SMARCA2: variants seen among roughly 807,000 people sequenced by gnomAD.
The protein encoded by SMARCA2 is SWI/SNF-related matrix-associated actin-dependent regulator of chromatin subfamily A member 2.
In SMARCA2, 61 loss-of-function variants were observed where a neutral mutation model predicts 199.8. That is an observed-to-expected ratio of 0.31 (90% CI 0.25 to 0.38). SMARCA2 has a LOEUF of 0.38. Among genes scored for constraint, SMARCA2 ranks in the 10% least tolerant of loss-of-function variants. The pLI, the probability that SMARCA2 is intolerant of heterozygous loss-of-function variation, is 1.00. For missense variants in SMARCA2, 1,344 were observed against 2,012.2 expected (o/e 0.67, Z 6.35); for synonymous variants, 935 against 732.0 (o/e 1.28, Z -4.48).
At chr9:2,160,580 C>T (rs1189386396) in intron 27 of SMARCA2, 1 of 702,098 alleles carries the variant, frequency 1.4e-6, no homozygotes, top group South Asian at 1.5e-5. Flanking sequence ...CTCACATGAT[C>T]ATAAATATTA....
chr9:2,026,215 A>G (rs1219272249), intron 1 of SMARCA2, among the ~76,000 whole-genome samples: 1 of 152,320 alleles, frequency 6.6e-6, no homozygotes, highest in East Asian at 1.9e-4. Context: ...TTCATTAGTT[A>G]TATGGCACAG....
intron 29 of SMARCA2, among the ~76,000 whole-genome samples, chr9:2,175,239 G>GTAT (rs1177242104): frequency 1.3e-5 from 2 of 152,082 alleles, no homozygotes; most frequent in Non-Finnish European, 2.9e-5. Context: ...TCCTAAGACA[G>GTAT]TATTTCCGAA....
intron 32 of SMARCA2, among the ~76,000 whole-genome samples, chr9:2,187,753 A>G (rs1827576527): frequency 6.6e-6 from 1 of 152,178 alleles, no homozygotes; most frequent in Non-Finnish European, 1.5e-5. Flanking sequence ...TCTTCACTGT[A>G]TACCTCTCAA....
intron 20 of SMARCA2, 26 bp downstream of exon 20, chr9:2,096,790 C>T (rs529477968): frequency 7.5e-7 from 1 of 1,339,374 alleles, no homozygotes; most frequent in South Asian, 1.2e-5. Flanking sequence ...TGATGCAACT[C>T]AAGGTGCTGT....
At chr9:2,157,520 A>G (rs374623252) in intron 27 of SMARCA2, among the ~76,000 whole-genome samples, 10 of 152,336 alleles carry the variant, frequency 6.6e-5, no homozygotes, top group African/African-American at 2.2e-4. Flanking sequence ...AGTGGACAGA[A>G]ATATGATACT....
intron 5 of SMARCA2, among the ~76,000 whole-genome samples, chr9:2,048,143 C>T (rs1360452628): frequency 1.3e-5 from 2 of 152,226 alleles, no homozygotes; most frequent in Non-Finnish European, 2.9e-5. Context: ...GGCTGGCTGC[C>T]TTTCGGTAAA....
chr9:2,070,523 A>AGG, intron 10 of SMARCA2, 52 bp downstream of exon 10: 1 of 1,369,610 alleles, frequency 7.3e-7, no homozygotes, highest in Non-Finnish European at 1.0e-6. Flanking sequence ...AGTCTGTGCC[A>AGG]TACCTGGCAG....
At chr9:2,158,275 G>T in intron 27 of SMARCA2, 1 of 162,202 alleles carries the variant, frequency 6.2e-6, no homozygotes, top group Non-Finnish European at 1.3e-5. Flanking sequence ...ACTTGACTGG[G>T]GATTTTTACC....
chr9:2,055,119 C>A (rs1820295259), intron 6 of SMARCA2, among the ~76,000 whole-genome samples: 1 of 152,224 alleles, frequency 6.6e-6, no homozygotes, highest in Admixed American at 6.5e-5. Context: ...CTTGCCACGA[C>A]TGTGAAAATA....
chr9:2,104,439 A>C lies in SMARCA2; in HGVS notation c.3292+270A>C, dbSNP rs564741125. Among the ~76,000 whole-genome samples, 1 of 152,324 alleles carries C rather than the reference A, an allele frequency of 6.6e-6. No individual in the cohort carries two copies. The highest frequency in any genetic ancestry group is 2.1e-4 in the South Asian group (1 of 4,830). The stretch of plus-strand genomic sequence containing the variant: ...CCTAAATAAAATAAAATTAAACTAA[A>C]TTAAAATTTTAAAATCTTCCTTGCT... On this transcript the variant is annotated intron_variant, in intron 23 of 33. Coordinates refer to ENST00000349721, the MANE Select transcript of SMARCA2 (RefSeq NM_003070.5). This position sits in a 1 kb window ranked among gnomAD's most constrained non-coding sequence, Gnocchi z 4.0.
intron 32 of SMARCA2, among the ~76,000 whole-genome samples, chr9:2,187,734 C>G (rs1827573318): frequency 6.6e-6 from 1 of 151,776 alleles, no homozygotes; most frequent in Non-Finnish European, 1.5e-5. Context: ...TTCTTCTTTC[C>G]TATGTGTGTC....
At position 2,123,873 on chromosome 9, in the gene SMARCA2, G is replaced by C; in HGVS notation, c.3917G>C (p.Arg1306Thr). The part of the protein sequence containing the change: ...CEEEEEKIFG[R>T]GSRQRRDVDY... ...GAAGAGGAGGAGAAAATATTTGGGA[G>C]GGGGTCCCGCCAGCGCCGTGACGTG... Residue 1306 changes from arginine (R) to threonine (T), a missense_variant, in exon 27 of 34, where the codon AGG (arginine) becomes ACG (threonine). Physicochemically the swap from Arg to Thr is moderately conservative, Grantham distance 71 (BLOSUM62 -1). This residue lies in a region of SMARCA2 where 63 missense variants were observed against 83.3 expected (regional missense o/e 0.76). Coordinates refer to ENST00000349721, the MANE Select transcript of SMARCA2 (RefSeq NM_003070.5). The surrounding 1 kb of genome is among the most constrained non-coding windows in gnomAD (Gnocchi z 4.1). 6.2e-7 allele frequency: 1 copy of C among 1,604,262 alleles called. No homozygotes were observed. The highest frequency in any genetic ancestry group is 1.1e-5 in the South Asian group (1 of 89,160).
chr9:2,044,826 ATC>A (rs967061691), intron 4 of SMARCA2: 2 of 152,174 alleles, frequency 1.3e-5, no homozygotes, highest in Admixed American at 6.5e-5. Context: ...AGATGTTTGA[ATC>A]TCTCTCTGTC....
At position 2,086,429 on chromosome 9, in the gene SMARCA2, T is replaced by A. The variant is rs189545066; in HGVS notation, c.2527-400T>A. On this transcript the variant is annotated intron_variant, in intron 17 of 33. Transcript: ENST00000349721. The surrounding 1 kb of genome is among the most constrained non-coding windows in gnomAD (Gnocchi z 4.3). Reference sequence around the variant, plus strand: ...AACCTCTGCTTCAGGTGGGTACCTATATTCTGTGCCTGTCATGAGCTGAAA... The same window carrying A: ...AACCTCTGCTTCAGGTGGGTACCTAAATTCTGTGCCTGTCATGAGCTGAAA... Among the ~76,000 whole-genome samples the A allele has an allele frequency of 1.4e-4, 22 of 152,210 alleles. No homozygotes were observed. Among genetic ancestry groups the A allele is most frequent in the Non-Finnish European group, 2.9e-5 (2 of 68,030 alleles).
intron 13 of SMARCA2, among the ~76,000 whole-genome samples, chr9:2,077,067 GT>G (rs1416349320): frequency 8.5e-5 from 13 of 152,056 alleles, no homozygotes; most frequent in African/African-American, 3.1e-4. Context: ...TTCACTGAAG[GT>G]GTTAAGAATC....
At chr9:2,175,228 A>C (rs1315879001) in intron 29 of SMARCA2, among the ~76,000 whole-genome samples, 3 of 152,234 alleles carry the variant, frequency 2.0e-5, no homozygotes, top group Non-Finnish European at 4.4e-5. Context: ...AAAAGTAGCC[A>C]TCCTAAGACA....
intron 29 of SMARCA2, 182 bp from the exon 30 acceptor site, chr9:2,181,389 A>G (rs573301596): frequency 3.9e-6 from 2 of 507,084 alleles, no homozygotes; most frequent in East Asian, 7.5e-5. Context: ...CTGTGATCTT[A>G]AAATTATCAC....
chr9:2,029,351 G>C, intron 2 of SMARCA2, 104 bp downstream of exon 2: 4 of 1,463,360 alleles, frequency 2.7e-6, no homozygotes, highest in Non-Finnish European at 3.7e-6. Flanking sequence ...AGAAAATCAT[G>C]CAAGATCTTT....
At chr9:2,172,154 A>G (rs1038660770) in intron 29 of SMARCA2, among the ~76,000 whole-genome samples, 3 of 152,286 alleles carry the variant, frequency 2.0e-5, no homozygotes, top group Admixed American at 6.5e-5. Context: ...TTGTATTATG[A>G]TGAATTAACC....
Sources: allele counts gnomAD v4.1 joint callset (sites outside exome capture counted in the v4.1 genomes callset), GRCh38; gene constraint gnomAD v4.1.1; regional missense constraint gnomAD v4.1.1; non-coding constraint Gnocchi (gnomAD v3.1); transcripts MANE v1.5; gene names NCBI Gene and HGNC (gene_info 2026-07-23, HGNC 2026-07-21).